KMO: variants seen among roughly 807,000 people sequenced by gnomAD.
KMO encodes kynurenine 3-hydroxylase.
A neutral mutation model predicts 57.8 loss-of-function variants in KMO; 24 were observed. That is an observed-to-expected ratio of 0.42 (90% CI 0.30 to 0.58). The LOEUF (loss-of-function observed/expected upper bound fraction) is 0.58, where lower values mean the gene tolerates loss of function less well. KMO is among the 20% of genes least tolerant of loss of function. The probability of loss-of-function intolerance (pLI) is 0.22; values close to 1 mark genes in which losing one functional copy is unlikely to be tolerated. For synonymous variants in KMO, 210 were observed against 193.6 expected (o/e 1.08, Z -0.70); for missense variants, 483 against 588.2 (o/e 0.82, Z 1.85).
rs1428611949 is a variant in KMO, at chr1:241,592,796, A to ATCTATCTCTCTC, written c.*646_*647insATCTCTCTCTCT. On this transcript the variant is annotated 3_prime_UTR_variant, in exon 15 of 15. Transcript: ENST00000366559. Reference sequence around the variant, plus strand: ...TATCTATCTATCTATCTATCTATCTATCTCTATTTATTTATGTATTTAGAG... The same window carrying ATCTATCTCTCTC: ...TATCTATCTATCTATCTATCTATCTATCTATCTCTCTCTCTCTATTTATTTATGTATTTAGAG... 5 of 150,710 alleles carry ATCTATCTCTCTC rather than the reference A, an allele frequency of 3.3e-5. No homozygotes were observed. Among genetic ancestry groups the ATCTATCTCTCTC allele is most frequent in the African/African-American group, 1.2e-4 (5 of 40,106 alleles). The allele number at this position is 150,710 out of a possible 1,614,324, so 9.3% of individuals were successfully genotyped here. A position where few individuals can be genotyped will look rare whatever the true frequency, so the allele number is the denominator to read the frequency against.
At position 241,591,790 on chromosome 1, in the gene KMO, C is replaced by A. The variant is rs142907554; in HGVS notation, c.1261-163C>A. On this transcript the variant is annotated intron_variant, in intron 14 of 14. Coordinates refer to ENST00000366559, the MANE Select transcript of KMO (RefSeq NM_003679.5). ...GGAGGCTCCCAATCCTTGACTTTAT[C>A]TTGATCTTATCAGTTCCTGATCTGG... Among the ~76,000 whole-genome samples the A allele has an allele frequency of 8.3e-4, 127 of 152,276 alleles. 1 individual carries two copies. The East Asian group carries it at 0.017, about 20-fold the overall frequency.
rs1040420144 is a variant in KMO, at chr1:241,592,365, C to G, written c.*212C>G. 19 of 566,168 alleles carry G rather than the reference C, an allele frequency of 3.4e-5. No individual in the cohort carries two copies. The highest frequency in any genetic ancestry group is 5.7e-5 in the Non-Finnish European group (18 of 317,090). 35.1% of individuals were successfully genotyped at this position (566,168 alleles called of 1,614,324 possible). ...AAACATGCAGCTTCCCTACATTACA[C>G]ACACTCAGGTTGAGTCATTCTAACT... On this transcript the variant is annotated 3_prime_UTR_variant, in exon 15 of 15. Coordinates refer to ENST00000366559, the MANE Select transcript of KMO (RefSeq NM_003679.5).
chr1:241,546,295 T>C (rs1661145422), intron 1 of KMO, among the ~76,000 whole-genome samples: 2 of 152,168 alleles, frequency 1.3e-5, no homozygotes, highest in African/African-American at 4.8e-5. Flanking sequence ...CTGTCAAAAA[T>C]TCTACTGAAG....
Position 241,538,794 on chromosome 1 carries a change from T to C in KMO, c.54+6296T>C, listed in dbSNP as rs572473955. ...GGGAATTCATCCCTCAGAGATTCCTTCATTTGCTATCTGGTGGGAAGTATC... is the reference window on the plus strand; with the variant it reads ...GGGAATTCATCCCTCAGAGATTCCTCCATTTGCTATCTGGTGGGAAGTATC... On this transcript the variant is annotated intron_variant, in intron 1 of 14. Coordinates refer to ENST00000366559, the MANE Select transcript of KMO (RefSeq NM_003679.5). Among the ~76,000 whole-genome samples, 4 of 152,312 alleles carry C rather than the reference T, an allele frequency of 2.6e-5. No individual in the cohort carries two copies. In the East Asian group the frequency reaches 7.7e-4, roughly 29 times the overall value.
At chr1:241,588,674 A>G (rs1480425647) in intron 11 of KMO, 74 bp from the exon 12 acceptor site, 16 of 1,045,104 alleles carry the variant, frequency 1.5e-5, no homozygotes, top group Non-Finnish European at 2.2e-5. Context: ...TGAACGTACC[A>G]TTTAATTTGA....
intron 10 of KMO, among the ~76,000 whole-genome samples, chr1:241,577,940 G>C (rs1220257854): frequency 6.6e-6 from 1 of 152,172 alleles, no homozygotes; most frequent in Admixed American, 6.5e-5. Flanking sequence ...ACTGGAAAGT[G>C]ATCCACCTCC....
At chr1:241,572,712 G>A (rs1423508033) in intron 10 of KMO, among the ~76,000 whole-genome samples, 2 of 151,934 alleles carry the variant, frequency 1.3e-5, no homozygotes, top group African/African-American at 4.8e-5. Flanking sequence ...ATTATATAGT[G>A]GTGAAGTCTG....
intron 4 of KMO, among the ~76,000 whole-genome samples, chr1:241,552,411 G>A (rs1026561365): frequency 6.6e-6 from 1 of 151,992 alleles, no homozygotes; most frequent in Non-Finnish European, 1.5e-5. Flanking sequence ...CAAATATGGC[G>A]GCCTCCTTGC....
rs1573898636 is a variant in KMO, at chr1:241,536,223, G to A, written c.54+3725G>A. Among the ~76,000 whole-genome samples the A allele has an allele frequency of 2.0e-5, 3 of 152,146 alleles. No homozygotes were observed. The East Asian group carries it at 5.8e-4, about 29-fold the overall frequency. Reference sequence around the variant, plus strand: ...TTTGCATGCTGGAAGGAGTTCTACAGTGTAGCTTTTCAATTCTAGCACATC... The same window carrying A: ...TTTGCATGCTGGAAGGAGTTCTACAATGTAGCTTTTCAATTCTAGCACATC... On this transcript the variant is annotated intron_variant, in intron 1 of 14. Transcript: ENST00000366559.
intron 7 of KMO, among the ~76,000 whole-genome samples, chr1:241,563,420 T>A (rs1247234943): frequency 6.6e-6 from 1 of 152,218 alleles, no homozygotes; most frequent in Non-Finnish European, 1.5e-5. Context: ...AAACAGCTAG[T>A]CAATATGGGA....
At position 241,586,740 on chromosome 1, in the gene KMO, A is replaced by G; in HGVS notation, c.1015+4A>G. On this transcript the variant is annotated splice_donor_region_variant and intron_variant, in intron 11 of 14. Coordinates refer to ENST00000366559, the MANE Select transcript of KMO (RefSeq NM_003679.5). ...GATAAATTCAGTAACGACCTTAGTA[A>G]GTAAGGTCAATTTCTCAACTGGACA... 6.3e-7 allele frequency: 1 copy of G among 1,597,566 alleles called. No homozygotes were observed. The highest frequency in any genetic ancestry group is 1.1e-5 in the South Asian group (1 of 87,738).
intron 14 of KMO, among the ~76,000 whole-genome samples, chr1:241,591,616 G>A (rs1663304949): frequency 6.6e-6 from 1 of 152,136 alleles, no homozygotes; most frequent in Non-Finnish European, 1.5e-5. Context: ...TGAATGATGT[G>A]TGGCCCCAGC....
intron 14 of KMO, 133 bp from the exon 15 acceptor site, chr1:241,591,820 C>T (rs529143068): frequency 1.9e-5 from 13 of 696,048 alleles, no homozygotes; most frequent in Non-Finnish European, 3.0e-5. Context: ...ATCTGGTGGT[C>T]ATGCAAGTAA....
At chr1:241,562,406 T>C (rs1661882902) in intron 7 of KMO, 74 bp downstream of exon 7, 10 of 1,436,946 alleles carry the variant, frequency 7.0e-6, no homozygotes, top group African/African-American at 1.4e-5. Context: ...TCTAGTGCAG[T>C]GGTTCTCAGC....
chr1:241,582,410 T>C (rs1662786870), intron 10 of KMO, among the ~76,000 whole-genome samples: 1 of 152,226 alleles, frequency 6.6e-6, no homozygotes, highest in African/African-American at 2.4e-5. Flanking sequence ...ACTATTAGAT[T>C]TGCCCTTGTC....
Position 241,562,476 on chromosome 1 carries a change from G to A in KMO, c.615+144G>A. On this transcript the variant is annotated intron_variant, in intron 7 of 14. Transcript: ENST00000366559. ...GAACTTTGTAATGAAGAATAAATGGGATGCATGGGTATCTTTTTAACAGCA... is the reference window on the plus strand; with the variant it reads ...GAACTTTGTAATGAAGAATAAATGGAATGCATGGGTATCTTTTTAACAGCA... 4 of 736,806 alleles carry A rather than the reference G, an allele frequency of 5.4e-6. No individual in the cohort carries two copies. The South Asian group carries it at 7.0e-5, about 13-fold the overall frequency. 45.6% of individuals were successfully genotyped at this position (736,806 alleles called of 1,614,324 possible).
At chr1:241,575,892 C>T (rs968171564) in intron 10 of KMO, among the ~76,000 whole-genome samples, 7 of 151,912 alleles carry the variant, frequency 4.6e-5, no homozygotes, top group African/African-American at 1.7e-4. Context: ...TTGCTTTCTA[C>T]CTAATTTCTT....
At chr1:241,590,315 A>T in intron 14 of KMO, 52 bp downstream of exon 14, 1 of 1,346,178 alleles carries the variant, frequency 7.4e-7, no homozygotes, top group Non-Finnish European at 1.1e-6. Context: ...TTGAAATGTC[A>T]TAGTATTATG....
Position 241,560,708 on chromosome 1 carries a change from G to A in KMO, c.405G>A (p.Arg135=). The change falls in exon 6 of 15, where the codon AGG becomes AGA. Residue 135 remains arginine, a synonymous_variant. Coordinates refer to ENST00000366559, the MANE Select transcript of KMO (RefSeq NM_003679.5). ...ATGTGAAAATGCACTTTAACCACAG[G>A]CTGTTGAAATGTAATCCAGAGGAAG... ...YPNVKMHFNH[R]LLKCNPEEGM... The A allele has an allele frequency of 1.2e-6, 2 of 1,613,818 alleles. No individual in the cohort carries two copies. Among genetic ancestry groups the A allele is most frequent in the South Asian group, 2.2e-5 (2 of 91,086 alleles).
Sources: gnomAD v4.1 joint callset for allele counts (sites outside exome capture counted in the v4.1 genomes callset) on GRCh38, gnomAD v4.1.1 for gene constraint, MANE v1.5 for transcripts, NCBI Gene and HGNC (gene_info 2026-07-23, HGNC 2026-07-21) for gene names.